The following CRYBB1 variants were observed in gnomAD, a reference collection of about 807,000 sequenced individuals.
CRYBB1 encodes the protein crystallin beta B1, also known as beta-crystallin B1.
CRYBB1 carries 16 observed loss-of-function variants against 29.5 expected under a neutral mutation model. That is an observed-to-expected ratio of 0.54 (90% CI 0.37 to 0.82). CRYBB1 has a LOEUF of 0.82. CRYBB1 is among the 40% of genes least tolerant of loss of function. CRYBB1 has a pLI of 0.00. For synonymous variants in CRYBB1, 127 were observed against 136.7 expected (o/e 0.93, Z 0.49); for missense variants, 300 against 350.5 (o/e 0.86, Z 1.15).
intron 4 of CRYBB1, among the ~76,000 whole-genome samples, chr22:26,607,212 G>A (rs1272808370): frequency 2.0e-5 from 3 of 151,714 alleles, no homozygotes; most frequent in Non-Finnish European, 4.4e-5. Context: ...TAGTAAAGAC[G>A]GGGTTTCGTC....
intron 5 of CRYBB1, among the ~76,000 whole-genome samples, chr22:26,601,677 G>A (rs942087950): frequency 7.8e-6 from 1 of 127,586 alleles, no homozygotes; most frequent in African/African-American, 3.1e-5. Flanking sequence ...TGTTTACACT[G>A]ACCTGGAATT....
chr22:26,613,446 AG>A (rs1437467088), intron 2 of CRYBB1, among the ~76,000 whole-genome samples: 2 of 152,238 alleles, frequency 1.3e-5, no homozygotes. Flanking sequence ...CCATGGCAGA[AG>A]AACGTGGATT....
chr22:26,614,814 G>T (rs1020186738), intron 2 of CRYBB1, among the ~76,000 whole-genome samples: 2 of 151,892 alleles, frequency 1.3e-5, no homozygotes, highest in Non-Finnish European at 2.9e-5. Context: ...CTCATAATTC[G>T]GTCTCAAAAT....
At chr22:26,612,836 T>C (rs1033315748) in intron 2 of CRYBB1, among the ~76,000 whole-genome samples, 2 of 152,200 alleles carry the variant, frequency 1.3e-5, no homozygotes, top group African/African-American at 4.8e-5. Context: ...TATTCTGTTT[T>C]AGGCTCAGGT....
At chr22:26,605,944 A>G (rs145661908) in intron 4 of CRYBB1, among the ~76,000 whole-genome samples, 1 of 152,216 alleles carries the variant, frequency 6.6e-6, no homozygotes, top group Non-Finnish European at 1.5e-5. Flanking sequence ...TGCAGGCCAC[A>G]TGTGGCTCAG....
At chr22:26,612,277 T>C in intron 2 of CRYBB1, 87 bp from the exon 3 acceptor site, 1 of 848,572 alleles carries the variant, frequency 1.2e-6, no homozygotes, top group East Asian at 2.5e-5. Context: ...AAGCCAGCAG[T>C]GCAGGAGTCA....
chr22:26,606,176 A>G (rs895150411), intron 4 of CRYBB1, among the ~76,000 whole-genome samples: 1 of 152,212 alleles, frequency 6.6e-6, no homozygotes, highest in Non-Finnish European at 1.5e-5. Context: ...CGGACTACTT[A>G]GAGGGCATAG....
At chr22:26,617,045 C>T (rs1299675310) in intron 1 of CRYBB1, among the ~76,000 whole-genome samples, 1 of 152,220 alleles carries the variant, frequency 6.6e-6, no homozygotes, top group Non-Finnish European at 1.5e-5. Context: ...GCTCCCAGCT[C>T]CTTTCCCCGT....
At chr22:26,615,287 A>G (rs1333029701) in intron 2 of CRYBB1, among the ~76,000 whole-genome samples, 1 of 152,068 alleles carries the variant, frequency 6.6e-6, no homozygotes, top group Admixed American at 6.5e-5. Context: ...AGCAATTTTG[A>G]GGGTCTGAGG....
intron 5 of CRYBB1, among the ~76,000 whole-genome samples, chr22:26,600,190 A>G (rs1256219422): frequency 1.3e-5 from 2 of 152,172 alleles, no homozygotes; most frequent in Non-Finnish European, 2.9e-5. Flanking sequence ...TCACAAGGTC[A>G]GGAGATCGAG....
rs759541633 is a variant in CRYBB1, at chr22:26,612,141, G to A, written c.230C>T (p.Ser77Leu). Residue 77 changes from serine (S) to leucine (L), a missense_variant, in exon 3 of 6, where the codon TCG becomes TTG. Ser to Leu is a moderately radical substitution (Grantham distance 145). Transcript: ENST00000647684. The part of the protein sequence containing the change: ...ENFQGRRAEF[S>L]GECSNLADRG... ...GTCTGCCAGATTTGAGCACTCCCCC[G>A]AGAATTCTGCTCGACGGCCCTGGAA... 72 of 1,613,926 alleles carry A rather than the reference G, an allele frequency of 4.5e-5. No individual in the cohort carries two copies. The highest frequency in any genetic ancestry group is 1.2e-4 in the African/African-American group (9 of 74,980).
Position 26,607,927 on chromosome 22 carries a change from G to T in CRYBB1, c.394C>A (p.Arg132Ser). The change falls in exon 4 of 6, where the codon CGC becomes AGC. Residue 132 changes from arginine to serine, a missense_variant. Arg to Ser is a moderately radical substitution (Grantham distance 110). Coordinates refer to ENST00000647684, the MANE Select transcript of CRYBB1 (RefSeq NM_001887.4). ...CGGAAGGACATGAGCCGATCACTGCGGTAGCTGCTCGACCATGTGTTCCAG... is the reference window on the plus strand; with the variant it reads ...CGGAAGGACATGAGCCGATCACTGCTGTAGCTGCTCGACCATGTGTTCCAG... ...PRWNTWSSSY[R>S]SDRLMSFRPI... 6.2e-7 allele frequency: 1 copy of T among 1,614,188 alleles called. No individual in the cohort carries two copies. The highest frequency in any genetic ancestry group is 1.3e-5 in the African/African-American group (1 of 75,046).
At chr22:26,602,857 C>G (rs1217586621) in intron 4 of CRYBB1, among the ~76,000 whole-genome samples, 2 of 152,118 alleles carry the variant, frequency 1.3e-5, no homozygotes, top group Non-Finnish European at 2.9e-5. Flanking sequence ...GGTGCGATGG[C>G]TCACTCCTAT....
chr22:26,612,020 G>T, intron 3 of CRYBB1, 52 bp downstream of exon 3: 1 of 1,323,894 alleles, frequency 7.6e-7, no homozygotes. Flanking sequence ...CTACTGTTGT[G>T]TGGTCATTTT....
At position 26,599,525 on chromosome 22, in the gene CRYBB1, A is replaced by G; in HGVS notation, c.724T>C (p.Ser242Pro). Residue 242 changes from serine (S) to proline (P), a missense_variant, in exon 6 of 6, where the codon TCC (serine) becomes CCC (proline). By Grantham distance (74) the Ser-to-Pro change is moderately conservative. Coordinates refer to ENST00000647684, the MANE Select transcript of CRYBB1 (RefSeq NM_001887.4). ...GGCTCTGTGGCCAGGACAGGGAAGG[A>G]CCCCTCGAGGTGCCACTGCTTGTCA... Reference protein sequence around the residue: ...LRDKQWHLEGSFPVLATEPPK With the variant: ...LRDKQWHLEGPFPVLATEPPK The G allele has an allele frequency of 6.2e-7, 1 of 1,613,318 alleles. No homozygotes were observed. Among genetic ancestry groups the G allele is most frequent in the Non-Finnish European group, 8.5e-7 (1 of 1,180,010 alleles).
chr22:26,601,836 T>G, intron 5 of CRYBB1, 43 bp downstream of exon 5: 1 of 1,611,114 alleles, frequency 6.2e-7, no homozygotes, highest in Non-Finnish European at 8.5e-7. Flanking sequence ...ATTCTGCCTG[T>G]GCTTGAAGCA....
Position 26,601,909 on chromosome 22 carries a change from C to G in CRYBB1, c.545G>C (p.Arg182Pro), listed in dbSNP as rs774691426. 3.2e-5 allele frequency: 51 copies of G among 1,612,412 alleles called. 1 individual carries two copies. In the South Asian group the frequency reaches 5.6e-4, roughly 18 times the overall value. The change falls in exon 5 of 6, where the codon CGC becomes CCC. Residue 182 changes from arginine to proline, a missense_variant. Physicochemically the swap from Arg to Pro is moderately radical, Grantham distance 103 (BLOSUM62 -2). Coordinates refer to ENST00000647684, the MANE Select transcript of CRYBB1 (RefSeq NM_001887.4). Reference sequence around the variant, plus strand: ...ACTGGAGACCTTCACGCTGCCCACGCGGTCACTGAAGCCGTAGACCCAGAG... The same window carrying G: ...ACTGGAGACCTTCACGCTGCCCACGGGGTCACTGAAGCCGTAGACCCAGAG... ...PSLWVYGFSDRVGSVKVSSGT... is the reference protein window; with the variant it reads ...PSLWVYGFSDPVGSVKVSSGT...
At chr22:26,603,181 G>C (rs1928877807) in intron 4 of CRYBB1, among the ~76,000 whole-genome samples, 1 of 151,574 alleles carries the variant, frequency 6.6e-6, no homozygotes, top group African/African-American at 2.4e-5. Context: ...TTATGCACTG[G>C]TGATCTTGGA....
chr22:26,614,342 C>T (rs1405936950), intron 2 of CRYBB1, among the ~76,000 whole-genome samples: 1 of 152,176 alleles, frequency 6.6e-6, no homozygotes, highest in Non-Finnish European at 1.5e-5. Context: ...ATGTCTCCCC[C>T]GGACGCCCAG....
Sources: gnomAD v4.1 joint callset for allele counts (sites outside exome capture counted in the v4.1 genomes callset) on GRCh38, gnomAD v4.1.1 for gene constraint, MANE v1.5 for transcripts, NCBI Gene and HGNC (gene_info 2026-07-23, HGNC 2026-07-21) for gene names.